The following FRMD4B variants were observed in gnomAD, a reference collection of about 807,000 sequenced individuals.
FRMD4B encodes FERM domain-containing protein 4B.
In FRMD4B, 74 loss-of-function variants were observed where a neutral mutation model predicts 141.5. The observed-to-expected ratio is 0.52, with a 90% CI of 0.43 to 0.63. The LOEUF is 0.63. Ranked by LOEUF, FRMD4B falls within the 30% of genes least tolerant of loss-of-function variation. The pLI is 0.00. For missense variants in FRMD4B, 1,366 were observed against 1,253.4 expected (o/e 1.09, Z -1.36); for synonymous variants, 506 against 467.9 (o/e 1.08, Z -1.05).
intron 1 of FRMD4B, among the ~76,000 whole-genome samples, chr3:69,335,618 A>G (rs1274226198): frequency 6.6e-6 from 1 of 151,694 alleles, no homozygotes; most frequent in Admixed American, 6.6e-5. Flanking sequence ...AGCCGGCCCC[A>G]TAATTGCACT....
rs768563202 is a variant in FRMD4B at position 69,180,976 on chromosome 3, C to T, written c.2774G>A (p.Gly925Glu). 4 of 1,613,878 alleles carry T rather than the reference C, an allele frequency of 2.5e-6. No homozygotes were observed. In the African/African-American group the frequency reaches 4.0e-5, roughly 16 times the overall value. Residue 925 changes from glycine (G) to glutamate (E), a missense_variant, in exon 21 of 23, where the codon GGA (glycine) becomes GAA (glutamate). By Grantham distance (98) the Gly-to-Glu change is moderately conservative. Coordinates refer to ENST00000398540, the MANE Select transcript of FRMD4B (RefSeq NM_015123.3). ...CGCAAACCCCAGGCATCTCTGTGATCCCCTGTCTGAGTCAAAGCTGGTCTG... is the reference window on the plus strand; with the variant it reads ...CGCAAACCCCAGGCATCTCTGTGATTCCCTGTCTGAGTCAAAGCTGGTCTG... ...SPQTSFDSDR[G>E]SQRCLGFAGL...
chr3:69,488,655 C>A (rs1032928830), intron 1 of FRMD4B, among the ~76,000 whole-genome samples: 5 of 151,978 alleles, frequency 3.3e-5, no homozygotes, highest in African/African-American at 1.2e-4. Context: ...GTAATCCCAG[C>A]ACTTTGGGAG....
At chr3:69,209,079 G>C (rs1478281090) in intron 11 of FRMD4B, among the ~76,000 whole-genome samples, 1 of 151,882 alleles carries the variant, frequency 6.6e-6, no homozygotes, top group Non-Finnish European at 1.5e-5. Context: ...GGGAGGTGGA[G>C]GTTGCAGTGA....
intron 2 of FRMD4B, among the ~76,000 whole-genome samples, chr3:69,420,979 A>C (rs995215434): frequency 1.3e-5 from 2 of 152,192 alleles, no homozygotes; most frequent in Non-Finnish European, 2.9e-5. Context: ...AGGGCCAGGG[A>C]AAGTTCAGGC....
chr3:69,404,237 G>A (rs926695784), intron 2 of FRMD4B, among the ~76,000 whole-genome samples: 6 of 152,016 alleles, frequency 3.9e-5, no homozygotes, highest in African/African-American at 9.7e-5. Flanking sequence ...GAAGAAAATC[G>A]CAAATAGAAA....
chr3:69,423,951 T>A (rs1705028821), intron 2 of FRMD4B, among the ~76,000 whole-genome samples: 2 of 152,150 alleles, frequency 1.3e-5, no homozygotes, highest in African/African-American at 4.8e-5. Context: ...GCTTATGGTA[T>A]TTCGTAACAG....
intron 1 of FRMD4B, among the ~76,000 whole-genome samples, chr3:69,519,396 G>A (rs1700816805): frequency 6.6e-6 from 1 of 151,946 alleles, no homozygotes; most frequent in Non-Finnish European, 1.5e-5. Context: ...AGCAGCATCT[G>A]TGTGTGTGTG....
At chr3:69,257,594 CT>C (rs1303392742) in intron 5 of FRMD4B, among the ~76,000 whole-genome samples, 3 of 152,124 alleles carry the variant, frequency 2.0e-5, no homozygotes, top group African/African-American at 7.2e-5. Flanking sequence ...CTAGTTATTT[CT>C]ACCTTTATTT....
intron 4 of FRMD4B, 149 bp from the exon 5 acceptor site, chr3:69,287,985 C>T: frequency 3.5e-6 from 2 of 576,976 alleles, no homozygotes; most frequent in Non-Finnish European, 6.2e-6. Flanking sequence ...ATATGCACCG[C>T]ACGTATTTAT....
intron 1 of FRMD4B, among the ~76,000 whole-genome samples, chr3:69,469,911 T>C (rs1705859866): frequency 6.6e-6 from 1 of 152,210 alleles, no homozygotes. Context: ...GTTTCAATTA[T>C]AATTTCACCA....
chr3:69,180,175 T>A (rs1235854169), intron 21 of FRMD4B, among the ~76,000 whole-genome samples: 1 of 148,748 alleles, frequency 6.7e-6, no homozygotes, highest in Non-Finnish European at 1.5e-5. Flanking sequence ...GCAGGAGGGT[T>A]GCTTGAGGCC....
chr3:69,280,302 C>G (rs2093638886), intron 5 of FRMD4B, among the ~76,000 whole-genome samples: 1 of 152,090 alleles, frequency 6.6e-6, no homozygotes, highest in Non-Finnish European at 1.5e-5. Flanking sequence ...GGGGCCCTCG[C>G]TTGAACAACA....
intron 1 of FRMD4B, among the ~76,000 whole-genome samples, chr3:69,333,133 T>C (rs1170210948): frequency 3.9e-5 from 6 of 152,146 alleles, no homozygotes; most frequent in East Asian, 1.9e-4. Context: ...GCTGCCTCGA[T>C]GGCTCAGCCT....
intron 1 of FRMD4B, among the ~76,000 whole-genome samples, chr3:69,506,374 T>C (rs72937413): frequency 0.013 from 1,984 of 152,064 alleles, 40 homozygotes; most frequent in African/African-American, 0.045. Flanking sequence ...GGTGCTGTTA[T>C]GCCCATTCTA....
chr3:69,390,090 C>A (rs1339544628), upstream of FRMD4B, among the ~76,000 whole-genome samples: 3 of 152,096 alleles, frequency 2.0e-5, no homozygotes, highest in African/African-American at 7.2e-5. Flanking sequence ...ATGCCTGAGG[C>A]TCCTGTAGGT....
At chr3:69,206,845 C>A (rs1399265068) in intron 11 of FRMD4B, among the ~76,000 whole-genome samples, 1 of 66,996 alleles carries the variant, frequency 1.5e-5, no homozygotes, top group East Asian at 4.6e-4. Context: ...ATGCATTGGG[C>A]TTAATACATT....
intron 1 of FRMD4B, among the ~76,000 whole-genome samples, chr3:69,337,047 T>C (rs1047122054): frequency 3.3e-5 from 5 of 152,172 alleles, no homozygotes; most frequent in African/African-American, 4.8e-5. Context: ...GCTACCTGAC[T>C]TCAAACTATA....
At chr3:69,279,767 TC>T (rs1226293117) in intron 5 of FRMD4B, among the ~76,000 whole-genome samples, 1 of 91,628 alleles carries the variant, frequency 1.1e-5, no homozygotes, top group Non-Finnish European at 2.0e-5. Context: ...CTCCTTCTCC[TC>T]CTCCCCTCCT....
At chr3:69,476,812 G>A (rs1465461052) in intron 1 of FRMD4B, among the ~76,000 whole-genome samples, 4 of 152,086 alleles carry the variant, frequency 2.6e-5, no homozygotes, top group Non-Finnish European at 2.9e-5. Flanking sequence ...CTATTTTCAC[G>A]ATATTGATTC....
Sources: gnomAD v4.1 joint callset for allele counts (sites outside exome capture counted in the v4.1 genomes callset) on GRCh38, gnomAD v4.1.1 for gene constraint, MANE v1.5 for transcripts, NCBI Gene and HGNC (gene_info 2026-07-23, HGNC 2026-07-21) for gene names.